Variants in RYR3 observed in about 807,000 individuals in gnomAD.
RYR3 encodes the protein brain ryanodine receptor-calcium release channel.
Under a neutral mutation model 584.3 loss-of-function variants are expected in RYR3, and 207 were observed. The observed-to-expected ratio is 0.35, with a 90% CI of 0.32 to 0.40. The LOEUF is 0.40. RYR3 is among the 10% of genes least tolerant of loss of function. RYR3 has a pLI of 1.00. For missense variants in RYR3, 5,616 were observed against 6,089.2 expected, an observed-to-expected ratio of 0.92 and a Z score of 2.59; for synonymous variants, 2,416 against 2,248.5, an observed-to-expected ratio of 1.07 and a Z score of -2.11.
chr15:33,539,502 A>T (rs1189670330), intron 6 of RYR3, 40 bp downstream of exon 6: 82 of 1,346,968 alleles, frequency 6.1e-5, no homozygotes, highest in Non-Finnish European at 8.4e-5. Context: ...GTTTTCAGAA[A>T]TTTTTCCTTT....
chr15:33,381,230 T>G (rs1324477752), intron 1 of RYR3, among the ~76,000 whole-genome samples: 3 of 152,110 alleles, frequency 2.0e-5, no homozygotes, highest in African/African-American at 7.2e-5. Flanking sequence ...GAGAGAAAAG[T>G]GATCTTAGAA....
chr15:33,812,576 A>G (rs1266599187), intron 72 of RYR3, among the ~76,000 whole-genome samples: 1 of 152,224 alleles, frequency 6.6e-6, no homozygotes, highest in African/African-American at 2.4e-5. Context: ...CATAGCTGAA[A>G]CAATAATTTA....
intron 1 of RYR3, among the ~76,000 whole-genome samples, chr15:33,411,574 ACT>A (rs1281771380): frequency 6.6e-6 from 1 of 152,092 alleles, no homozygotes; most frequent in African/African-American, 2.4e-5. Flanking sequence ...CAACCCACTG[ACT>A]CTGCTGAAGA....
chr15:33,590,345 C>G (rs2059070092), intron 16 of RYR3, among the ~76,000 whole-genome samples: 1 of 152,140 alleles, frequency 6.6e-6, no homozygotes, highest in South Asian at 2.1e-4. Context: ...TGTGGTGCCT[C>G]CAGCTTTGTT....
At chr15:33,584,600 C>A in intron 15 of RYR3, 110 bp downstream of exon 15, 1 of 576,894 alleles carries the variant, frequency 1.7e-6, no homozygotes, top group Non-Finnish European at 3.1e-6. Context: ...AAACAATCCT[C>A]AAATCATACT....
chr15:33,399,365 G>A (rs1014675135), intron 1 of RYR3, among the ~76,000 whole-genome samples: 6 of 152,172 alleles, frequency 3.9e-5, no homozygotes, highest in Non-Finnish European at 7.3e-5. Context: ...GAGGCCAGGC[G>A]CAGTGGCTCG....
chr15:33,314,640 C>T lies in RYR3; in HGVS notation c.51+3544C>T, dbSNP rs182658898. On this transcript the variant is annotated intron_variant, in intron 1 of 103. Transcript: ENST00000634891. ...AATTGAAACAGAACTCAGAGCCAGG[C>T]GCGGTGGCTCACGCCTGTAATCCCA... Among the ~76,000 whole-genome samples, 5 of 152,300 alleles carry T rather than the reference C, an allele frequency of 3.3e-5. No individual in the cohort carries two copies. In the East Asian group the frequency reaches 7.7e-4, roughly 24 times the overall value.
chr15:33,854,639 G>A, intron 97 of RYR3, 127 bp from the exon 98 acceptor site: 2 of 1,279,322 alleles, frequency 1.6e-6, no homozygotes. Flanking sequence ...TCTTGGGCCA[G>A]CTCACAGCAC....
At chr15:33,807,761 G>A (rs1596707435) in intron 70 of RYR3, 192 bp downstream of exon 70, 1 of 607,912 alleles carries the variant, frequency 1.6e-6, no homozygotes, top group Non-Finnish European at 2.9e-6. Context: ...CCTTGGAATG[G>A]GGAAGCCGGG....
intron 85 of RYR3, among the ~76,000 whole-genome samples, chr15:33,830,527 G>A (rs189357218): frequency 2.0e-5 from 3 of 152,244 alleles, no homozygotes; most frequent in African/African-American, 7.2e-5. Flanking sequence ...TTATTGTAAT[G>A]TTCACTTTAC....
At position 33,861,143 on chromosome 15, in the gene RYR3, A is replaced by C; in HGVS notation, c.14430A>C (p.Thr4810=). The C allele has an allele frequency of 1.3e-6, 2 of 1,596,300 alleles. No individual in the cohort carries two copies. Among genetic ancestry groups the C allele is most frequent in the Non-Finnish European group, 1.7e-6 (2 of 1,170,350 alleles). Residue 4810 remains threonine (T), a synonymous_variant, in exon 102 of 104, where the codon ACA becomes ACC. Coordinates refer to ENST00000634891, the MANE Select transcript of RYR3 (RefSeq NM_001036.6). ...YFDTTPHGFE[T]HTLQEHNLAN... ...ACACAACCCCTCATGGTTTTGAAACACATACATTACAAGAGCACAACTTAG... is the reference window on the plus strand; with the variant it reads ...ACACAACCCCTCATGGTTTTGAAACCCATACATTACAAGAGCACAACTTAG...
rs950191661 is a variant in RYR3, at chr15:33,520,106, G to A, written c.280-10486G>A. Among the ~76,000 whole-genome samples the A allele has an allele frequency of 1.5e-4, 23 of 152,300 alleles. No individual in the cohort carries two copies. The East Asian group carries it at 4.2e-3, about 28-fold the overall frequency. On this transcript the variant is annotated intron_variant, in intron 3 of 103. Transcript: ENST00000634891. ...AAGTTGAAGAACTGCAGGAAAGGGG[G>A]AGGAGGATCAGATAACAAAATAGAA... is the stretch of plus-strand genomic sequence containing the variant.
intron 60 of RYR3, 66 bp downstream of exon 60, chr15:33,757,662 G>C: frequency 6.5e-7 from 1 of 1,549,100 alleles, no homozygotes; most frequent in Non-Finnish European, 8.8e-7. Context: ...CCAGGTCCCT[G>C]TGGACTAAAA....
intron 6 of RYR3, among the ~76,000 whole-genome samples, chr15:33,540,313 T>C (rs1162431908): frequency 6.6e-6 from 1 of 152,054 alleles, no homozygotes; most frequent in Non-Finnish European, 1.5e-5. Context: ...CAGTGAGATT[T>C]TGCAGCTGGG....
intron 99 of RYR3, chr15:33,859,077 G>A (rs2080053792): frequency 6.5e-6 from 1 of 154,488 alleles, no homozygotes; most frequent in Non-Finnish European, 1.4e-5. Context: ...GGGAGCCCGT[G>A]CCTAGATTGG....
At chr15:33,824,658 T>G (rs2077280602) in intron 81 of RYR3, among the ~76,000 whole-genome samples, 1 of 152,140 alleles carries the variant, frequency 6.6e-6, no homozygotes, top group African/African-American at 2.4e-5. Flanking sequence ...TAAATGAAAC[T>G]TACCTAAATC....
In RYR3 at chr15:33,646,343, G is replaced by C; in HGVS notation, c.3766-8G>C. On this transcript the variant is annotated splice_region_variant and splice_polypyrimidine_tract_variant and intron_variant, in intron 28 of 103. Transcript: ENST00000634891. Reference sequence around the variant, plus strand: ...GTATGTCAAGGTAAGGACTCGTCCTGTTTCCAGGTCATGAGGATTGATGGC... The same window carrying C: ...GTATGTCAAGGTAAGGACTCGTCCTCTTTCCAGGTCATGAGGATTGATGGC... 1 of 1,594,618 alleles carries C rather than the reference G, an allele frequency of 6.3e-7. No individual in the cohort carries two copies. The highest frequency in any genetic ancestry group is 8.6e-7 in the Non-Finnish European group (1 of 1,166,526).
chr15:33,810,449 C>T, intron 70 of RYR3, 30 bp from the exon 71 acceptor site: 2 of 1,612,266 alleles, frequency 1.2e-6, no homozygotes, highest in South Asian at 2.2e-5. Flanking sequence ...CACTGAACCC[C>T]TCTCTGTTTA....
chr15:33,514,627 CA>C (rs1447139541), intron 3 of RYR3, among the ~76,000 whole-genome samples: 1 of 148,854 alleles, frequency 6.7e-6, no homozygotes, highest in African/African-American at 2.5e-5. Flanking sequence ...TTTTTTTTTA[CA>C]CCTTATATCT....
Sources: gnomAD v4.1 joint callset for allele counts (sites outside exome capture counted in the v4.1 genomes callset) on GRCh38, gnomAD v4.1.1 for gene constraint, MANE v1.5 for transcripts, NCBI Gene and HGNC (gene_info 2026-07-23, HGNC 2026-07-21) for gene names.